Variants in CPSF3 observed in about 807,000 individuals in gnomAD.
CPSF3 encodes cleavage and polyadenylation specificity factor subunit 3.
A neutral mutation model predicts 84.1 loss-of-function variants in CPSF3; 57 were observed. The observed-to-expected ratio is 0.68, with a 90% confidence interval of 0.55 to 0.85. CPSF3 has a LOEUF of 0.85. Ranked by LOEUF, CPSF3 falls within the 40% of genes least tolerant of loss-of-function variation. The probability of loss-of-function intolerance (pLI) is 0.00; values close to 1 mark genes in which losing one functional copy is unlikely to be tolerated. For synonymous variants in CPSF3, 275 were observed against 278.1 expected, an observed-to-expected ratio of 0.99 and a Z score of 0.11; for missense variants, 522 against 838.8, an observed-to-expected ratio of 0.62 and a Z score of 4.66.
intron 15 of CPSF3, among the ~76,000 whole-genome samples, chr2:9,466,298 A>G (rs921276370): frequency 1.7e-5 from 2 of 120,084 alleles, no homozygotes; most frequent in African/African-American, 5.6e-5. Flanking sequence ...ACACAGACGC[A>G]TGCACACGCA....
intron 14 of CPSF3, among the ~76,000 whole-genome samples, chr2:9,458,546 A>G (rs1437782157): frequency 1.1e-4 from 16 of 152,092 alleles, no homozygotes; most frequent in Admixed American, 1.0e-3. Context: ...AAATACTATT[A>G]GAGGCTGTGT....
At position 9,428,783 on chromosome 2, in the gene CPSF3, A is replaced by G; in HGVS notation, c.69A>G (p.Val23=). The change falls in exon 2 of 18, where the codon GTA becomes GTG. Residue 23 remains valine, a synonymous_variant. Transcript: ENST00000238112. ...LIRPLGAGQE[V]GRSCIILEFK... is the part of the protein sequence containing the mutation. Reference sequence around the variant, plus strand: ...TTTACAGTGGAGCTGGGCAAGAAGTAGGAAGATCATGTATTATTCTCGAGT... The same window carrying G: ...TTTACAGTGGAGCTGGGCAAGAAGTGGGAAGATCATGTATTATTCTCGAGT... 1 of 1,606,720 alleles carries G rather than the reference A, an allele frequency of 6.2e-7. No homozygotes were observed. Among genetic ancestry groups the G allele is most frequent in the Non-Finnish European group, 8.5e-7 (1 of 1,173,514 alleles).
chr2:9,459,677 A>G (rs1681665360), intron 15 of CPSF3, 59 bp downstream of exon 15: 1 of 695,550 alleles, frequency 1.4e-6, no homozygotes, highest in Non-Finnish European at 2.1e-6. Flanking sequence ...GGAGACGGAT[A>G]CTAGCTCTGT....
At position 9,471,451 on chromosome 2, in the gene CPSF3, CTCT is replaced by C. The variant is rs757652329; in HGVS notation, c.1953+14_1953+16del. 3.4e-6 allele frequency: 5 copies of C among 1,476,166 alleles called. No homozygotes were observed. The East Asian group carries it at 1.1e-4, about 33-fold the overall frequency. 91.4% of individuals were successfully genotyped at this position (1,476,166 alleles called of 1,614,324 possible). Reference sequence around the variant, plus strand: ...ACTTGGAGACACGGGTATGTAGCTGCTCTTTCCTACGTTTCAAGACATTTGGGA... The same window carrying C: ...ACTTGGAGACACGGGTATGTAGCTGCTTCCTACGTTTCAAGACATTTGGGA... On this transcript the variant is annotated intron_variant, in intron 17 of 17. Transcript: ENST00000238112.
chr2:9,430,687 G>A, intron 3 of CPSF3, 65 bp from the exon 4 acceptor site: 5 of 1,485,294 alleles, frequency 3.4e-6, no homozygotes, highest in Non-Finnish European at 4.6e-6. Flanking sequence ...GTAAGCAACA[G>A]TTTCATTACA....
intron 11 of CPSF3, among the ~76,000 whole-genome samples, chr2:9,452,433 T>C (rs1681365748): frequency 6.6e-6 from 1 of 152,200 alleles, no homozygotes; most frequent in South Asian, 2.1e-4. Context: ...ATGTATGAGC[T>C]CACCCATAAC....
chr2:9,423,932 T>TGGC, intron 1 of CPSF3, 109 bp downstream of exon 1: 1 of 1,511,316 alleles, frequency 6.6e-7, no homozygotes, highest in Non-Finnish European at 8.9e-7. Flanking sequence ...CCCGGCAGCC[T>TGGC]GCCTTTGGTC....
At chr2:9,460,612 T>G (rs1681698455) in intron 15 of CPSF3, among the ~76,000 whole-genome samples, 1 of 152,064 alleles carries the variant, frequency 6.6e-6, no homozygotes, top group Admixed American at 6.6e-5. Flanking sequence ...TATTTTTGTG[T>G]TACTTCTTTG....
rs1681026394 is a variant in CPSF3 at position 9,443,608 on chromosome 2, A to G, written c.1189A>G (p.Thr397Ala). 6.2e-7 allele frequency: 1 copy of G among 1,614,160 alleles called. No individual in the cohort carries two copies. The change falls in exon 10 of 18, where the codon ACG (threonine) becomes GCG (alanine). Residue 397 changes from threonine to alanine, a missense_variant. Thr to Ala is a moderately conservative substitution (Grantham distance 58, BLOSUM62 0). This residue lies in a region of CPSF3 where 329 missense variants were observed against 607.2 expected (regional missense o/e 0.54). Coordinates refer to ENST00000238112, the MANE Select transcript of CPSF3 (RefSeq NM_016207.4). Reference sequence around the variant, plus strand: ...TGATTACATTTCTTTCTCAGCTCACACGGATTACCAGCAAACCAGTGAATT... The same window carrying G: ...TGATTACATTTCTTTCTCAGCTCACGCGGATTACCAGCAAACCAGTGAATT... The part of the protein sequence containing the change: ...SVDYISFSAH[T>A]DYQQTSEFIR...
At chr2:9,449,704 G>A (rs910200826) in intron 11 of CPSF3, among the ~76,000 whole-genome samples, 2 of 150,596 alleles carry the variant, frequency 1.3e-5, no homozygotes, top group Admixed American at 6.6e-5. Flanking sequence ...GTCCTGTCAC[G>A]GCACTCCAGC....
chr2:9,434,073 C>CT, intron 6 of CPSF3, 113 bp downstream of exon 6: 1 of 645,510 alleles, frequency 1.5e-6, no homozygotes, highest in Non-Finnish European at 2.6e-6. Context: ...ATAAACTTAC[C>CT]TTTTTTAAAA....
At chr2:9,425,291 C>T (rs1680343664) in intron 1 of CPSF3, among the ~76,000 whole-genome samples, 1 of 152,210 alleles carries the variant, frequency 6.6e-6, no homozygotes, top group Admixed American at 6.5e-5. Flanking sequence ...ACCTCGTATA[C>T]ACAGGAGTTT....
intron 14 of CPSF3, among the ~76,000 whole-genome samples, chr2:9,459,068 CGCCATTGCACTCCA>C (rs1208350726): frequency 6.6e-6 from 1 of 151,522 alleles, no homozygotes; most frequent in African/African-American, 2.4e-5. Flanking sequence ...GCCAAGATCA[CGCCATTGCACTCCA>C]GCCTGGGCAA....
intron 15 of CPSF3, 137 bp from the exon 16 acceptor site, chr2:9,467,570 A>T (rs1193670517): frequency 9.4e-6 from 5 of 532,242 alleles, no homozygotes; most frequent in Non-Finnish European, 1.6e-5. Flanking sequence ...AAATAATACA[A>T]ATCCCTGCTT....
In CPSF3 at chr2:9,457,785, C is replaced by T. The variant is rs145406627; in HGVS notation, c.1698+758C>T. On this transcript the variant is annotated intron_variant, in intron 14 of 17. Transcript: ENST00000238112. ...TTTCTTTTTTTGAGACAGAGTCTTA[C>T]TCTGTCACCCAGGCTGGAGTGCAGT... Among the ~76,000 whole-genome samples the T allele has an allele frequency of 5.1e-3, 768 of 151,836 alleles. 6 individuals are homozygous for T. The highest frequency in any genetic ancestry group is 0.017 in the African/African-American group (714 of 41,398).
intron 11 of CPSF3, among the ~76,000 whole-genome samples, chr2:9,450,242 C>G (rs1466660905): frequency 6.6e-6 from 1 of 151,520 alleles, no homozygotes; most frequent in Admixed American, 6.6e-5. Flanking sequence ...ACCTCCGCCT[C>G]CCAGGTTCAT....
intron 7 of CPSF3, among the ~76,000 whole-genome samples, chr2:9,438,609 G>A (rs566962777): frequency 6.0e-5 from 9 of 150,486 alleles, no homozygotes; most frequent in East Asian, 5.9e-4. Context: ...TCTGCCTCCC[G>A]GGTTCAAGCT....
At position 9,443,658 on chromosome 2, in the gene CPSF3, T is replaced by C. The variant is rs1241610470; in HGVS notation, c.1239T>C (p.His413=). 1 of 1,613,900 alleles carries C rather than the reference T, an allele frequency of 6.2e-7. No individual in the cohort carries two copies. The highest frequency in any genetic ancestry group is 2.2e-5 in the East Asian group (1 of 44,884). The part of the protein sequence containing the change: ...SEFIRALKPP[H]VILVHGEQNE... ...TTATTCGTGCTTTGAAACCGCCTCA[T>C]GTGGTTAGTCTATGAATTTCATTTA... The change falls in exon 10 of 18, where the codon CAT becomes CAC. Residue 413 remains histidine, a synonymous_variant. Coordinates refer to ENST00000238112, the MANE Select transcript of CPSF3 (RefSeq NM_016207.4).
intron 1 of CPSF3, among the ~76,000 whole-genome samples, chr2:9,425,468 T>C (rs1230328404): frequency 1.3e-5 from 2 of 152,146 alleles, no homozygotes; most frequent in East Asian, 1.9e-4. Flanking sequence ...CAGTGAGATA[T>C]TGAAAGATTC....
Sources: allele counts gnomAD v4.1 joint callset (sites outside exome capture counted in the v4.1 genomes callset), GRCh38; gene constraint gnomAD v4.1.1; regional missense constraint gnomAD v4.1.1; transcripts MANE v1.5; gene names NCBI Gene and HGNC (gene_info 2026-07-23, HGNC 2026-07-21).